Variants in CDYL2 observed in about 807,000 individuals in gnomAD.
CDYL2 encodes the protein chromodomain Y like 2.
Under a neutral mutation model 49.4 loss-of-function variants are expected in CDYL2, and 23 were observed. The ratio of observed to expected loss-of-function variants is 0.47; its 90% CI spans 0.34 to 0.66. The LOEUF (loss-of-function observed/expected upper bound fraction) is 0.66. CDYL2 is among the 30% of genes least tolerant of loss of function. The pLI, the probability that CDYL2 is intolerant of heterozygous loss-of-function variation, is 0.01. For missense variants in CDYL2, 678 were observed against 656.4 expected, an observed-to-expected ratio of 1.03 and a Z score of -0.36; for synonymous variants, 360 against 268.8, an observed-to-expected ratio of 1.34 and a Z score of -3.32.
chr16:80,638,373 C>A (rs1223453085), intron 2 of CDYL2, among the ~76,000 whole-genome samples: 1 of 152,182 alleles, frequency 6.6e-6, no homozygotes, highest in East Asian at 1.9e-4. Context: ...CCACACTTCG[C>A]CAAGACTCAA....
At chr16:80,684,405 A>G (rs1439979877) in intron 2 of CDYL2, 133 bp downstream of exon 2, 5 of 809,018 alleles carry the variant, frequency 6.2e-6, no homozygotes, top group Non-Finnish European at 7.8e-6. Flanking sequence ...GGTGAGAGAG[A>G]TGAAGGGGGA....
rs1906081217 is a variant in CDYL2, at chr16:80,601,481, G to A, written c.*2907C>T. Reference sequence around the variant, plus strand: ...GGAGTGACTTATGGGGGAAGGTACGGGAAAATGGTAGAGAGAGGGGAGAAA... The same window carrying A: ...GGAGTGACTTATGGGGGAAGGTACGAGAAAATGGTAGAGAGAGGGGAGAAA... On this transcript the variant is annotated 3_prime_UTR_variant, in exon 7 of 7. Transcript: ENST00000570137. 1 of 152,172 alleles carries A rather than the reference G, an allele frequency of 6.6e-6. No individual in the cohort carries two copies. Among genetic ancestry groups the A allele is most frequent in the Non-Finnish European group, 1.5e-5 (1 of 68,046 alleles). 9.4% of individuals were successfully genotyped at this position (152,172 alleles called of 1,614,324 possible).
intron 1 of CDYL2, among the ~76,000 whole-genome samples, chr16:80,710,878 C>G (rs1311233664): frequency 6.6e-6 from 1 of 151,972 alleles, no homozygotes; most frequent in African/African-American, 2.4e-5. Context: ...TATCATATAC[C>G]CAGCACAGTA....
At chr16:80,611,709 G>C (rs1906605125) in intron 5 of CDYL2, among the ~76,000 whole-genome samples, 1 of 152,216 alleles carries the variant, frequency 6.6e-6, no homozygotes, top group African/African-American at 2.4e-5. Context: ...TCTAGCCTCA[G>C]TCTCCACATC....
intron 1 of CDYL2, among the ~76,000 whole-genome samples, chr16:80,701,915 G>T (rs1408491237): frequency 6.6e-6 from 1 of 152,174 alleles, no homozygotes; most frequent in Non-Finnish European, 1.5e-5. Context: ...CACTATACTT[G>T]TGAGTGTAGC....
chr16:80,787,386 G>C (rs1236660713), intron 1 of CDYL2, among the ~76,000 whole-genome samples: 1 of 152,166 alleles, frequency 6.6e-6, no homozygotes, highest in Non-Finnish European at 1.5e-5. Flanking sequence ...AAATGGAAGA[G>C]ACTGCCCTTC....
intron 1 of CDYL2, among the ~76,000 whole-genome samples, chr16:80,789,883 G>A (rs1597134898): frequency 6.6e-6 from 1 of 152,142 alleles, no homozygotes; most frequent in East Asian, 1.9e-4. Context: ...ACATAAAGGT[G>A]GTGAAAACAG....
intron 2 of CDYL2, among the ~76,000 whole-genome samples, chr16:80,645,058 C>A (rs1320171524): frequency 2.0e-5 from 3 of 152,138 alleles, no homozygotes; most frequent in Non-Finnish European, 2.9e-5. Flanking sequence ...CTAGGCAATA[C>A]CATTCAGGAC....
chr16:80,686,889 G>A (rs775777154), intron 1 of CDYL2, among the ~76,000 whole-genome samples: 4 of 152,014 alleles, frequency 2.6e-5, no homozygotes, highest in African/African-American at 9.7e-5. Flanking sequence ...CTTATTAAAC[G>A]TCCTGGGAAC....
At chr16:80,657,261 A>G (rs1011056902) in intron 2 of CDYL2, among the ~76,000 whole-genome samples, 2 of 152,272 alleles carry the variant, frequency 1.3e-5, no homozygotes, top group Non-Finnish European at 2.9e-5. Context: ...AAAAACATTC[A>G]TTTAAAATAA....
rs1407459686 is a variant in CDYL2, at chr16:80,676,961, G to GTCTTTTTTTTTTTT, written c.616+7576_616+7577insAAAAAAAAAAAAGA. 7.2e-5 allele frequency among the ~76,000 whole-genome samples: 8 copies of GTCTTTTTTTTTTTT among 110,518 alleles called. 3 individuals are homozygous for GTCTTTTTTTTTTTT. Among genetic ancestry groups the GTCTTTTTTTTTTTT allele is most frequent in the African/African-American group, 2.1e-4 (6 of 29,090 alleles). 72.5% of individuals were successfully genotyped at this position (110,518 alleles called of 152,430 possible). On this transcript the variant is annotated intron_variant, in intron 2 of 6. Transcript: ENST00000570137. ...AGGACTTTTTAACAACCAATTCAAT[G>GTCTTTTTTTTTTTT]TATTTTTTTTTTTTTTTTTTTTTTT... is the stretch of plus-strand genomic sequence containing the variant.
intron 3 of CDYL2, among the ~76,000 whole-genome samples, chr16:80,624,029 T>C (rs1216648854): frequency 6.6e-6 from 1 of 152,100 alleles, no homozygotes; most frequent in Non-Finnish European, 1.5e-5. Context: ...ACCCTCCAAG[T>C]CTGTGTACTG....
chr16:80,685,421 A>C (rs912509055), intron 1 of CDYL2, among the ~76,000 whole-genome samples: 12 of 152,294 alleles, frequency 7.9e-5, no homozygotes, highest in African/African-American at 2.9e-4. Flanking sequence ...GCTTACTTTT[A>C]TTTGAAATTG....
At chr16:80,803,458 C>G (rs939158143) in intron 1 of CDYL2, among the ~76,000 whole-genome samples, 1 of 152,060 alleles carries the variant, frequency 6.6e-6, no homozygotes, top group Non-Finnish European at 1.5e-5. Context: ...CCAGGGAGCA[C>G]GACACCCGCA....
intron 2 of CDYL2, among the ~76,000 whole-genome samples, chr16:80,676,866 T>C (rs1235630486): frequency 2.0e-5 from 3 of 152,124 alleles, no homozygotes; most frequent in African/African-American, 7.2e-5. Flanking sequence ...TCAGATGATC[T>C]ATTCTAGAAC....
intron 2 of CDYL2, among the ~76,000 whole-genome samples, chr16:80,647,570 C>A (rs1229764841): frequency 1.3e-5 from 2 of 152,142 alleles, no homozygotes; most frequent in Non-Finnish European, 2.9e-5. Context: ...GCTAAAGAGA[C>A]AGACCCCAGG....
chr16:80,760,215 A>G (rs1299024763), intron 1 of CDYL2, among the ~76,000 whole-genome samples: 2 of 152,186 alleles, frequency 1.3e-5, no homozygotes, highest in Non-Finnish European at 2.9e-5. Flanking sequence ...TAGGCAGTTT[A>G]ACTGCACCAG....
rs188397234 is a variant in CDYL2, at chr16:80,716,920, T to C, written c.25-31791A>G. On this transcript the variant is annotated intron_variant, in intron 1 of 6. Coordinates refer to ENST00000570137, the MANE Select transcript of CDYL2 (RefSeq NM_152342.4). ...ATGGATGGATGATTGAATGGACAGA[T>C]GGATAGACAGATGAATGGATAGATA... 3.6e-3 allele frequency among the ~76,000 whole-genome samples: 545 copies of C among 149,774 alleles called. 1 individual carries two copies. Among genetic ancestry groups the C allele is most frequent in the South Asian group, 0.02 (91 of 4,652 alleles).
At chr16:80,733,641 T>A (rs1002662479) in intron 1 of CDYL2, among the ~76,000 whole-genome samples, 1 of 152,158 alleles carries the variant, frequency 6.6e-6, no homozygotes, top group African/African-American at 2.4e-5. Context: ...AAGTGCTTTC[T>A]CAATAAACTC....
Sources: allele counts gnomAD v4.1 joint callset (sites outside exome capture counted in the v4.1 genomes callset), GRCh38; gene constraint gnomAD v4.1.1; transcripts MANE v1.5; gene names NCBI Gene and HGNC (gene_info 2026-07-23, HGNC 2026-07-21).